The following ERBB4 variants were observed in gnomAD, a reference collection of about 807,000 sequenced individuals.
ERBB4 encodes receptor tyrosine-protein kinase erbB-4.
In ERBB4, 42 loss-of-function variants were observed where a neutral mutation model predicts 158.0. The ratio of observed to expected loss-of-function variants is 0.27; its 90% CI spans 0.21 to 0.34. The LOEUF (loss-of-function observed/expected upper bound fraction) is 0.34, where lower values mean the gene tolerates loss of function less well. Among genes scored for constraint, ERBB4 ranks in the 10% least tolerant of loss-of-function variants. The pLI is 1.00. For missense variants in ERBB4, 1,333 were observed against 1,624.1 expected, an observed-to-expected ratio of 0.82 and a Z score of 3.08; for synonymous variants, 583 against 558.7, an observed-to-expected ratio of 1.04 and a Z score of -0.61.
chr2:212,511,154 T>C lies in ERBB4; in HGVS notation c.82+27295A>G, dbSNP rs139159167. Among the ~76,000 whole-genome samples the C allele has an allele frequency of 2.7e-3, 414 of 152,308 alleles. 8 individuals are homozygous for C. The East Asian group carries it at 0.074, about 27-fold the overall frequency. On this transcript the variant is annotated intron_variant, in intron 1 of 27. Transcript: ENST00000342788. ...ACTGAAAAGATTGACATAATATAGA[T>C]GTATAGAAGAATTAAAGATGCCACT...
chr2:211,926,179 A>G (rs1422283791), intron 3 of ERBB4, among the ~76,000 whole-genome samples: 1 of 152,170 alleles, frequency 6.6e-6, no homozygotes, highest in Non-Finnish European at 1.5e-5. Context: ...AAACACACGC[A>G]TTATTTTTCT....
intron 1 of ERBB4, among the ~76,000 whole-genome samples, chr2:212,320,525 AC>A (rs2087518918): frequency 2.1e-5 from 3 of 146,330 alleles, no homozygotes; most frequent in Non-Finnish European, 1.5e-5. Context: ...AAAAAAAAAA[AC>A]AACACAAGAT....
chr2:212,457,209 T>A (rs1688337703), intron 1 of ERBB4, among the ~76,000 whole-genome samples: 2 of 152,054 alleles, frequency 1.3e-5, no homozygotes, highest in Non-Finnish European at 2.9e-5. Context: ...GTTGTTTATA[T>A]GTTTTTGCTC....
chr2:211,947,701 A>C, intron 2 of ERBB4, 85 bp from the exon 3 acceptor site: 1 of 1,154,680 alleles, frequency 8.7e-7, no homozygotes, highest in Admixed American at 2.0e-5. Context: ...ATGAGTTATT[A>C]AACTCTAATT....
At chr2:211,927,494 T>C (rs1189980353) in intron 3 of ERBB4, among the ~76,000 whole-genome samples, 2 of 152,194 alleles carry the variant, frequency 1.3e-5, no homozygotes, top group African/African-American at 4.8e-5. Flanking sequence ...GTTTTCATTC[T>C]AGCCTTGGAA....
In ERBB4 at chr2:211,952,456, T is replaced by C. The variant is rs185092974; in HGVS notation, c.235-4840A>G. ...AATGTCTGATAAGGCCACACAACCA[T>C]GTCAGTTATCCATTGTTCCTCTCCT... On this transcript the variant is annotated intron_variant, in intron 2 of 27. Coordinates refer to ENST00000342788, the MANE Select transcript of ERBB4 (RefSeq NM_005235.3). Among the ~76,000 whole-genome samples the C allele has an allele frequency of 3.0e-3, 451 of 152,228 alleles. 2 individuals carry two copies. Among genetic ancestry groups the C allele is most frequent in the Non-Finnish European group, 2.9e-3 (200 of 67,976 alleles).
At chr2:211,491,093 G>A (rs1486105845) in intron 20 of ERBB4, among the ~76,000 whole-genome samples, 1 of 152,042 alleles carries the variant, frequency 6.6e-6, no homozygotes, top group East Asian at 1.9e-4. Flanking sequence ...AGGTGATAAT[G>A]TTTATACTTC....
chr2:211,461,926 C>G (rs1277605912), intron 20 of ERBB4, among the ~76,000 whole-genome samples: 1 of 151,782 alleles, frequency 6.6e-6, no homozygotes, highest in Non-Finnish European at 1.5e-5. Context: ...AAAAAAAACT[C>G]TGACTGGATA....
chr2:211,754,093 C>T (rs1246182964), intron 4 of ERBB4, among the ~76,000 whole-genome samples: 1 of 151,996 alleles, frequency 6.6e-6, no homozygotes, highest in Non-Finnish European at 1.5e-5. Flanking sequence ...ATCTCCTGAC[C>T]TCGTGATCTG....
intron 3 of ERBB4, among the ~76,000 whole-genome samples, chr2:211,939,476 G>A (rs1458043409): frequency 6.6e-6 from 1 of 151,676 alleles, no homozygotes; most frequent in Non-Finnish European, 1.5e-5. Context: ...TCATGCCTTT[G>A]GTAAACGCTG....
chr2:212,482,600 T>C (rs1315028346), intron 1 of ERBB4, among the ~76,000 whole-genome samples: 2 of 152,256 alleles, frequency 1.3e-5, no homozygotes, highest in South Asian at 2.1e-4. Flanking sequence ...AAGTAAAATA[T>C]TTAACTCAAC....
intron 3 of ERBB4, among the ~76,000 whole-genome samples, chr2:211,891,700 C>T (rs1175577372): frequency 0.014 from 1,359 of 99,012 alleles, no homozygotes; most frequent in African/African-American, 0.017. Context: ...ATCAAATAGA[C>T]ACAATAAAAA....
chr2:212,391,550 C>A (rs1261987856), intron 1 of ERBB4, among the ~76,000 whole-genome samples: 1 of 146,596 alleles, frequency 6.8e-6, no homozygotes, highest in African/African-American at 2.6e-5. Context: ...AGATATATCA[C>A]CAACAGCACT....
At chr2:212,261,905 TA>T (rs1424246377) in intron 1 of ERBB4, among the ~76,000 whole-genome samples, 1 of 152,054 alleles carries the variant, frequency 6.6e-6, no homozygotes, top group Non-Finnish European at 1.5e-5. Context: ...AACCTCTTTA[TA>T]AAAAATATAA....
intron 14 of ERBB4, among the ~76,000 whole-genome samples, chr2:211,666,112 G>A (rs1188760820): frequency 2.0e-5 from 3 of 152,010 alleles, no homozygotes; most frequent in Non-Finnish European, 2.9e-5. Flanking sequence ...GAATTAGGCC[G>A]TTTAGGTGAA....
rs1382429234 is a variant in ERBB4, at chr2:211,377,048, T to C, written c.*6567A>G. On this transcript the variant is annotated 3_prime_UTR_variant, in exon 28 of 28. Transcript: ENST00000342788. The stretch of plus-strand genomic sequence containing the variant: ...CATATCTACATTTAGAAAATAACTT[T>C]CGTAGTTGATTACTGGAGTAATCCC... 4.3e-6 allele frequency: 1 copy of C among 232,950 alleles called. No individual in the cohort carries two copies. Among genetic ancestry groups the C allele is most frequent in the Non-Finnish European group, 8.5e-6 (1 of 117,652 alleles). The allele number at this position is 232,950 out of a possible 1,614,324, so 14.4% of individuals were successfully genotyped here.
chr2:212,211,387 C>A (rs2082927804), intron 1 of ERBB4, among the ~76,000 whole-genome samples: 2 of 152,084 alleles, frequency 1.3e-5, no homozygotes, highest in Admixed American at 6.6e-5. Context: ...CTGCAAAAGA[C>A]TCAGCTTTCA....
chr2:212,430,441 T>C (rs1369548314), intron 1 of ERBB4, among the ~76,000 whole-genome samples: 1 of 145,778 alleles, frequency 6.9e-6, no homozygotes, highest in African/African-American at 2.5e-5. Flanking sequence ...TGTTGGTTTT[T>C]TTTTTTTTCT....
chr2:211,530,560 A>G (rs1429362669), intron 20 of ERBB4, among the ~76,000 whole-genome samples: 1 of 152,126 alleles, frequency 6.6e-6, no homozygotes, highest in Admixed American at 6.5e-5. Flanking sequence ...AAGCAAAAAC[A>G]ACAAAACTGA....
Sources: allele counts gnomAD v4.1 joint callset (sites outside exome capture counted in the v4.1 genomes callset), GRCh38; gene constraint gnomAD v4.1.1; transcripts MANE v1.5; gene names NCBI Gene and HGNC (gene_info 2026-07-23, HGNC 2026-07-21).